ATXN10: variants seen among roughly 807,000 people sequenced by gnomAD.
The protein encoded by ATXN10 is ataxin-10.
In ATXN10, 28 loss-of-function variants were observed where a neutral mutation model predicts 52.9. The observed-to-expected ratio is 0.53, with a 90% CI of 0.39 to 0.73. The LOEUF (loss-of-function observed/expected upper bound fraction) is 0.73, where lower values mean the gene tolerates loss of function less well. ATXN10 is among the 30% of genes least tolerant of loss of function. The probability of loss-of-function intolerance (pLI) is 0.00; values close to 1 mark genes in which losing one functional copy is unlikely to be tolerated. For missense variants in ATXN10, 565 were observed against 577.0 expected (o/e 0.98, Z 0.21); for synonymous variants, 226 against 221.5 (o/e 1.02, Z -0.18).
rs1437438551 is a variant in ATXN10, at chr22:45,769,598, GGGTCA to G, written c.1173+29062_1173+29066del. On this transcript the variant is annotated intron_variant, in intron 9 of 11. Transcript: ENST00000252934. The surrounding 1 kb of genome is among the most constrained non-coding windows in gnomAD (Gnocchi z 4.2). ...AGAGGTACAGAGGAAGAAAGGTAAA[GGGTCA>G]GTATAGGTTTGGCTGAAGCTAGAGA... is the stretch of plus-strand genomic sequence containing the variant. 6.6e-6 allele frequency among the ~76,000 whole-genome samples: 1 copy of G among 152,160 alleles called. No homozygotes were observed. Among genetic ancestry groups the G allele is most frequent in the African/African-American group, 2.4e-5 (1 of 41,438 alleles).
intron 9 of ATXN10, among the ~76,000 whole-genome samples, chr22:45,755,440 G>T (rs1274429096): frequency 6.6e-6 from 1 of 152,146 alleles, no homozygotes; most frequent in Non-Finnish European, 1.5e-5. Context: ...GCAAGAAGAG[G>T]TGTGAAGGTT....
rs538992081 is a variant in ATXN10 at position 45,825,443 on chromosome 22, G to A, written c.1238-17548G>A. Among the ~76,000 whole-genome samples the A allele has an allele frequency of 2.0e-5, 3 of 152,244 alleles. No individual in the cohort carries two copies. The highest frequency in any genetic ancestry group is 3.9e-4 in the East Asian group (2 of 5,186). On this transcript the variant is annotated intron_variant, in intron 10 of 11. Coordinates refer to ENST00000252934, the MANE Select transcript of ATXN10 (RefSeq NM_013236.4). The surrounding 1 kb of genome is among the most constrained non-coding windows in gnomAD (Gnocchi z 4.5). ...GATTCCCAGGGAATAGCATAGGCTCGGAGAAGACCTGAGAAGATCTTAAAT... is the reference window on the plus strand; with the variant it reads ...GATTCCCAGGGAATAGCATAGGCTCAGAGAAGACCTGAGAAGATCTTAAAT...
At chr22:45,758,064 G>A (rs926522908) in intron 9 of ATXN10, among the ~76,000 whole-genome samples, 1 of 152,226 alleles carries the variant, frequency 6.6e-6, no homozygotes, top group Non-Finnish European at 1.5e-5. Flanking sequence ...GAACAGTGGC[G>A]TCAGGAAGCC....
intron 10 of ATXN10, among the ~76,000 whole-genome samples, chr22:45,839,985 C>T (rs1164929175): frequency 1.3e-5 from 2 of 152,222 alleles, no homozygotes; most frequent in Non-Finnish European, 1.5e-5. Flanking sequence ...CCCAGCACCA[C>T]GCTAGGGACA....
intron 1 of ATXN10, chr22:45,674,373 TC>T (rs1432508944): frequency 6.6e-6 from 1 of 152,316 alleles, no homozygotes; most frequent in Non-Finnish European, 1.5e-5. Context: ...GATGTGCAGG[TC>T]CTGGCATGGA....
At position 45,754,744 on chromosome 22, in the gene ATXN10, A is replaced by G. The variant is rs1382180551; in HGVS notation, c.1173+14206A>G. Among the ~76,000 whole-genome samples the G allele has an allele frequency of 3.9e-5, 6 of 152,232 alleles. No homozygotes were observed. The highest frequency in any genetic ancestry group is 2.0e-4 in the Admixed American group (3 of 15,282). ...GTGGCTCATGCCTGTAGTCCCAGCT[A>G]CTTGGGAGGCTGAGGCAGGAGGATC... On this transcript the variant is annotated intron_variant, in intron 9 of 11. Coordinates refer to ENST00000252934, the MANE Select transcript of ATXN10 (RefSeq NM_013236.4). The surrounding 1 kb of genome is among the most constrained non-coding windows in gnomAD (Gnocchi z 5.4).
Position 45,677,902 on chromosome 22 carries a change from G to A in ATXN10, c.116+5723G>A, listed in dbSNP as rs1033575330. On this transcript the variant is annotated intron_variant, in intron 1 of 11. Transcript: ENST00000252934. This position sits in a 1 kb window ranked among gnomAD's most constrained non-coding sequence, Gnocchi z 4.1. ...TGCTGCTACTATGGAAAATAATTTG[G>A]TGGGTCCTCAAAAAGCTAAACATGG... 1.3e-5 allele frequency: 2 copies of A among 152,158 alleles called. No homozygotes were observed. The highest frequency in any genetic ancestry group is 2.9e-5 in the Non-Finnish European group (2 of 68,038). The allele number at this position is 152,158 out of a possible 1,614,324, so 9.4% of individuals were successfully genotyped here.
At chr22:45,747,686 A>G (rs150508956) in intron 9 of ATXN10, among the ~76,000 whole-genome samples, 14 of 152,332 alleles carry the variant, frequency 9.2e-5, no homozygotes, top group Non-Finnish European at 8.8e-5. Flanking sequence ...TTGACCATCT[A>G]TTAACTGTTT....
chr22:45,809,028 A>G (rs2146886914), intron 10 of ATXN10, among the ~76,000 whole-genome samples: 1 of 152,366 alleles, frequency 6.6e-6, no homozygotes, highest in East Asian at 1.9e-4. Flanking sequence ...GGCATATAAA[A>G]TGTGGTAAGA....
chr22:45,725,917 AT>A (rs958807418), intron 6 of ATXN10, among the ~76,000 whole-genome samples: 1 of 151,388 alleles, frequency 6.6e-6, no homozygotes. Flanking sequence ...GGATGATCAT[AT>A]TTTTTTTGTT....
At position 45,766,282 on chromosome 22, in the gene ATXN10, T is replaced by C. The variant is rs1292071856; in HGVS notation, c.1173+25744T>C. Reference sequence around the variant, plus strand: ...GCTCTGCCTCTAGTCAGGTCAGAGGTGGCATTAGAGTCTCACAGGAGCGTG... The same window carrying C: ...GCTCTGCCTCTAGTCAGGTCAGAGGCGGCATTAGAGTCTCACAGGAGCGTG... On this transcript the variant is annotated intron_variant, in intron 9 of 11. Coordinates refer to ENST00000252934, the MANE Select transcript of ATXN10 (RefSeq NM_013236.4). The surrounding 1 kb of genome is among the most constrained non-coding windows in gnomAD (Gnocchi z 4.6). 1.3e-5 allele frequency among the ~76,000 whole-genome samples: 2 copies of C among 152,132 alleles called. No individual in the cohort carries two copies. The highest frequency in any genetic ancestry group is 2.9e-5 in the Non-Finnish European group (2 of 68,030).
In ATXN10 at chr22:45,844,240, A is replaced by G. The variant is rs939134851; in HGVS notation, c.*569A>G. The G allele has an allele frequency of 1.5e-4, 24 of 160,302 alleles. No individual in the cohort carries two copies. Among genetic ancestry groups the G allele is most frequent in the Admixed American group, 1.4e-3 (24 of 16,650 alleles). The allele number at this position is 160,302 out of a possible 1,614,324, so 9.9% of individuals were successfully genotyped here. Reference sequence around the variant, plus strand: ...CTGGGCTGTCTTGTCACTGAGCCCTATCCCTTTGGAATGTGGCAGGGAGTG... The same window carrying G: ...CTGGGCTGTCTTGTCACTGAGCCCTGTCCCTTTGGAATGTGGCAGGGAGTG... On this transcript the variant is annotated 3_prime_UTR_variant, in exon 12 of 12. Transcript: ENST00000252934.
At chr22:45,711,759 G>A (rs1260752053) in intron 5 of ATXN10, among the ~76,000 whole-genome samples, 1 of 152,142 alleles carries the variant, frequency 6.6e-6, no homozygotes, top group African/African-American at 2.4e-5. Context: ...ATCATGTTAG[G>A]ATGTGCACTG....
At chr22:45,725,419 T>G (rs1041917015) in intron 6 of ATXN10, among the ~76,000 whole-genome samples, 2 of 140,608 alleles carry the variant, frequency 1.4e-5, no homozygotes, top group African/African-American at 2.8e-5. Flanking sequence ...TTTTTTTTTT[T>G]GCAGCTATTT....
chr22:45,762,045 A>G lies in ATXN10; in HGVS notation c.1173+21507A>G, dbSNP rs1204673578. Among the ~76,000 whole-genome samples, 2 of 152,200 alleles carry G rather than the reference A, an allele frequency of 1.3e-5. No individual in the cohort carries two copies. The highest frequency in any genetic ancestry group is 6.5e-5 in the Admixed American group (1 of 15,278). On this transcript the variant is annotated intron_variant, in intron 9 of 11. Coordinates refer to ENST00000252934, the MANE Select transcript of ATXN10 (RefSeq NM_013236.4). This position sits in a 1 kb window ranked among gnomAD's most constrained non-coding sequence, Gnocchi z 4.3. ...ATTTTTAAAAACTTCCTATTTAGTC[A>G]TATGTTTTTACTTCACTTTATGGTT...
Position 45,827,000 on chromosome 22 carries a change from T to A in ATXN10, c.1238-15991T>A, listed in dbSNP as rs887733406. 7.9e-5 allele frequency among the ~76,000 whole-genome samples: 12 copies of A among 152,230 alleles called. No homozygotes were observed. Among genetic ancestry groups the A allele is most frequent in the African/African-American group, 2.9e-4 (12 of 41,452 alleles). ...CAGCATATAAGGTTTTAATTTTTTT[T>A]ATGTTAACCGAAAGGAGTAAACAGA... On this transcript the variant is annotated intron_variant, in intron 10 of 11. Coordinates refer to ENST00000252934, the MANE Select transcript of ATXN10 (RefSeq NM_013236.4). The surrounding 1 kb of genome is among the most constrained non-coding windows in gnomAD (Gnocchi z 5.0).
chr22:45,803,945 A>C (rs569673638), intron 9 of ATXN10, among the ~76,000 whole-genome samples: 67 of 152,294 alleles, frequency 4.4e-4, no homozygotes, highest in Non-Finnish European at 7.8e-4. Context: ...CCTCCATGCC[A>C]GTGCTTCCTA....
At chr22:45,760,330 G>A (rs1926339055) in intron 9 of ATXN10, among the ~76,000 whole-genome samples, 1 of 152,052 alleles carries the variant, frequency 6.6e-6, no homozygotes, top group Non-Finnish European at 1.5e-5. Context: ...GTTTATTCAC[G>A]TACCAGTGAT....
chr22:45,838,694 C>A (rs1171507958), intron 10 of ATXN10, among the ~76,000 whole-genome samples: 1 of 152,218 alleles, frequency 6.6e-6, no homozygotes, highest in South Asian at 2.1e-4. Flanking sequence ...TCTAGGTCTG[C>A]ACAGGCTGCA....
Sources: allele counts gnomAD v4.1 joint callset (sites outside exome capture counted in the v4.1 genomes callset), GRCh38; gene constraint gnomAD v4.1.1; non-coding constraint Gnocchi (gnomAD v3.1); transcripts MANE v1.5; gene names NCBI Gene and HGNC (gene_info 2026-07-23, HGNC 2026-07-21).